The following MBD5 variants were observed in gnomAD, a reference collection of about 807,000 sequenced individuals.
The protein encoded by MBD5 is methyl-CpG binding domain protein 5, also known as methyl-CpG-binding domain protein 5.
In MBD5, 13 loss-of-function variants were observed where a neutral mutation model predicts 117.3. That is an observed-to-expected ratio of 0.11 (90% confidence interval 0.07 to 0.18). The LOEUF (loss-of-function observed/expected upper bound fraction) is 0.18, where lower values mean the gene tolerates loss of function less well. Among genes scored for constraint, MBD5 ranks in the 10% least tolerant of loss-of-function variants. The pLI, the probability that MBD5 is intolerant of heterozygous loss-of-function variation, is 1.00. For missense variants in MBD5, 1,879 were observed against 2,093.8 expected, an observed-to-expected ratio of 0.90 and a Z score of 2.00; for synonymous variants, 727 against 766.4, an observed-to-expected ratio of 0.95 and a Z score of 0.85.
intron 1 of MBD5, among the ~76,000 whole-genome samples, chr2:148,107,960 T>G (rs13426269): frequency 0.013 from 2,027 of 152,262 alleles, 22 homozygotes; most frequent in Non-Finnish European, 0.019. Flanking sequence ...TAGGATCACT[T>G]TAAATTGTTA....
At position 148,489,481 on chromosome 2, in the gene MBD5, A is replaced by G; in HGVS notation, c.3849A>G (p.Pro1283=). 1 of 1,614,078 alleles carries G rather than the reference A, an allele frequency of 6.2e-7. No individual in the cohort carries two copies. The highest frequency in any genetic ancestry group is 8.5e-7 in the Non-Finnish European group (1 of 1,180,008). ...ALPENPNTTL[P]PFQDTPCELQ... ...CTGAGAATCCAAACACTACACTTCC[A>G]CCTTTTCAAGATACACCTTGTGAGT... is the stretch of plus-strand genomic sequence containing the variant. The change falls in exon 11 of 14, where the codon CCA becomes CCG. Residue 1283 remains proline, a synonymous_variant. Transcript: ENST00000642680.
chr2:148,420,309 G>A (rs1705561250), intron 4 of MBD5, among the ~76,000 whole-genome samples: 2 of 152,038 alleles, frequency 1.3e-5, no homozygotes, highest in Admixed American at 6.5e-5. Flanking sequence ...ATGGCTTAGA[G>A]TCTATGTTCC....
At chr2:148,311,531 C>T (rs1559017112) in intron 3 of MBD5, among the ~76,000 whole-genome samples, 2 of 152,130 alleles carry the variant, frequency 1.3e-5, no homozygotes, top group East Asian at 3.8e-4. Context: ...TTATTTTGAA[C>T]CTATGTGTGT....
intron 4 of MBD5, among the ~76,000 whole-genome samples, chr2:148,364,861 A>G (rs767322130): frequency 1.3e-5 from 2 of 152,224 alleles, no homozygotes; most frequent in Non-Finnish European, 2.9e-5. Flanking sequence ...AGAGACCCAC[A>G]AAGAGACTTA....
At chr2:148,024,991 A>G (rs1262960344) in intron 1 of MBD5, 2 of 152,142 alleles carry the variant, frequency 1.3e-5, no homozygotes, top group Non-Finnish European at 2.9e-5. Context: ...CCAGTTTTCT[A>G]TGGATATGAA....
intron 4 of MBD5, among the ~76,000 whole-genome samples, chr2:148,352,311 A>G (rs1340924002): frequency 6.6e-6 from 1 of 152,024 alleles, no homozygotes; most frequent in Non-Finnish European, 1.5e-5. Context: ...TAAACTTTTT[A>G]TTTTGAAATA....
intron 3 of MBD5, among the ~76,000 whole-genome samples, chr2:148,313,772 G>A (rs1327227169): frequency 6.6e-6 from 1 of 152,170 alleles, no homozygotes; most frequent in African/African-American, 2.4e-5. Context: ...TAGTGGTGTA[G>A]GCACCCAAGG....
rs1682316135 is a variant in MBD5, at chr2:148,515,048, A to G, written c.*2107A>G. 1.3e-5 allele frequency: 2 copies of G among 152,178 alleles called. No homozygotes were observed. Among genetic ancestry groups the G allele is most frequent in the African/African-American group, 4.8e-5 (2 of 41,436 alleles). 9.4% of individuals were successfully genotyped at this position (152,178 alleles called of 1,614,324 possible). A position where few individuals can be genotyped will look rare whatever the true frequency, so the allele number is the denominator to read the frequency against. On this transcript the variant is annotated 3_prime_UTR_variant, in exon 14 of 14. Coordinates refer to ENST00000642680, the MANE Select transcript of MBD5 (RefSeq NM_001378120.1). Reference sequence around the variant, plus strand: ...ACACATGTTTATAAGTTAAAAGTTGATGTGGCTAGTATGTTTAAACCATTA... The same window carrying G: ...ACACATGTTTATAAGTTAAAAGTTGGTGTGGCTAGTATGTTTAAACCATTA...
rs1356614547 is a variant in MBD5, at chr2:148,489,758, G to A, written c.4126G>A (p.Val1376Ile). 6.2e-7 allele frequency: 1 copy of A among 1,614,188 alleles called. No individual in the cohort carries two copies. The highest frequency in any genetic ancestry group is 8.5e-7 in the Non-Finnish European group (1 of 1,180,044). ...AAATCTCTCCAGTGCTGTCAGTGCGGTCATTCATGGACGGAACATGGGAGG... is the reference window on the plus strand; with the variant it reads ...AAATCTCTCCAGTGCTGTCAGTGCGATCATTCATGGACGGAACATGGGAGG... ...PLNLSSAVSA[V>I]IHGRNMGGVD... Residue 1376 changes from valine (V) to isoleucine (I), a missense_variant, in exon 11 of 14, where the codon GTC becomes ATC. By Grantham distance (29) the Val-to-Ile change is conservative (BLOSUM62 3). Coordinates refer to ENST00000642680, the MANE Select transcript of MBD5 (RefSeq NM_001378120.1).
chr2:148,281,960 C>A (rs1419423574), intron 3 of MBD5, among the ~76,000 whole-genome samples: 1 of 152,168 alleles, frequency 6.6e-6, no homozygotes, highest in African/African-American at 2.4e-5. Context: ...CTAACCGCTA[C>A]CAGACTTGGA....
chr2:148,446,388 G>A (rs1367825413), intron 4 of MBD5, among the ~76,000 whole-genome samples: 12 of 151,956 alleles, frequency 7.9e-5, no homozygotes, highest in African/African-American at 2.7e-4. Context: ...TTAGAGGAAG[G>A]TGATATCCAA....
chr2:148,446,740 T>TAG (rs1262950541), intron 4 of MBD5, among the ~76,000 whole-genome samples: 1 of 151,724 alleles, frequency 6.6e-6, no homozygotes, highest in African/African-American at 2.4e-5. Context: ...GCCATGGAGG[T>TAG]AGAACAAAAT....
chr2:148,116,576 T>C (rs1307520709), intron 1 of MBD5, among the ~76,000 whole-genome samples: 3 of 152,216 alleles, frequency 2.0e-5, no homozygotes, highest in African/African-American at 7.2e-5. Flanking sequence ...ACGTGTAGGT[T>C]AGTTCAACTC....
chr2:148,385,500 A>C (rs1305416108), intron 4 of MBD5, among the ~76,000 whole-genome samples: 3 of 152,156 alleles, frequency 2.0e-5, no homozygotes, highest in African/African-American at 7.2e-5. Flanking sequence ...GAACACTTTT[A>C]CACTGTTGGT....
intron 2 of MBD5, among the ~76,000 whole-genome samples, chr2:148,198,878 T>C (rs1477331474): frequency 6.6e-6 from 1 of 151,860 alleles, no homozygotes; most frequent in East Asian, 1.9e-4. Context: ...AAGAGGAGGA[T>C]TGTATTGTTC....
At chr2:148,467,332 C>A (rs1490553535) in intron 7 of MBD5, among the ~76,000 whole-genome samples, 1 of 152,134 alleles carries the variant, frequency 6.6e-6, no homozygotes, top group Non-Finnish European at 1.5e-5. Context: ...AATCTGCTTG[C>A]TTTTGTTGCC....
intron 1 of MBD5, among the ~76,000 whole-genome samples, chr2:148,035,024 G>A (rs1694151511): frequency 6.6e-6 from 1 of 152,090 alleles, no homozygotes; most frequent in African/African-American, 2.4e-5. Flanking sequence ...AGTAAAATTA[G>A]TATGGTAATG....
chr2:148,502,885 C>A, intron 12 of MBD5: 1 of 306,002 alleles, frequency 3.3e-6, no homozygotes, highest in Non-Finnish European at 6.2e-6. Context: ...AGTAAATACC[C>A]CTCGTTGTAC....
At chr2:148,345,315 A>G (rs1703063816) in intron 4 of MBD5, among the ~76,000 whole-genome samples, 3 of 150,170 alleles carry the variant, frequency 2.0e-5, no homozygotes, top group African/African-American at 7.3e-5. Context: ...ATATACACAC[A>G]CATATATATA....
Sources: allele counts gnomAD v4.1 joint callset (sites outside exome capture counted in the v4.1 genomes callset), GRCh38; gene constraint gnomAD v4.1.1; transcripts MANE v1.5; gene names NCBI Gene and HGNC (gene_info 2026-07-23, HGNC 2026-07-21).